The following GABRB2 variants were observed in gnomAD, a reference collection of about 807,000 sequenced individuals.
GABRB2 encodes gamma-aminobutyric acid type A receptor subunit beta2, also known as gamma-aminobutyric acid receptor subunit beta-2.
Under a neutral mutation model 54.7 loss-of-function variants are expected in GABRB2, and 16 were observed. That is an observed-to-expected ratio of 0.29 (90% CI 0.20 to 0.44). The LOEUF is 0.44. Among genes scored for constraint, GABRB2 ranks in the 20% least tolerant of loss-of-function variants. GABRB2 has a pLI of 1.00. For synonymous variants in GABRB2, 244 were observed against 233.8 expected (o/e 1.04, Z -0.40); for missense variants, 355 against 644.0 (o/e 0.55, Z 4.86).
At position 161,291,350 on chromosome 5, in the gene GABRB2, C is replaced by T. The variant is rs568277942; in HGVS notation, c.*2731G>A. Reference sequence around the variant, plus strand: ...CCTTTGTGGTCCTTTAGTTTAACAACTGGCTATCAAGCTGACTGGTCTTCC... The same window carrying T: ...CCTTTGTGGTCCTTTAGTTTAACAATTGGCTATCAAGCTGACTGGTCTTCC... On this transcript the variant is annotated 3_prime_UTR_variant, in exon 10 of 10. Coordinates refer to ENST00000393959, the MANE Select transcript of GABRB2 (RefSeq NM_001371727.1). 6.6e-6 allele frequency: 1 copy of T among 152,298 alleles called. No homozygotes were observed. The highest frequency in any genetic ancestry group is 6.5e-5 in the Admixed American group (1 of 15,278). 9.4% of individuals were successfully genotyped at this position (152,298 alleles called of 1,614,324 possible). A position where few individuals can be genotyped will look rare whatever the true frequency, so the allele number is the denominator to read the frequency against.
intron 3 of GABRB2, among the ~76,000 whole-genome samples, chr5:161,479,531 G>A (rs1272118041): frequency 6.6e-6 from 1 of 150,942 alleles, no homozygotes; most frequent in Non-Finnish European, 1.5e-5. Context: ...AAATTATAAT[G>A]AAGAAAATTT....
At chr5:161,535,651 T>C (rs1760609532) in intron 3 of GABRB2, among the ~76,000 whole-genome samples, 2 of 152,254 alleles carry the variant, frequency 1.3e-5, no homozygotes, top group African/African-American at 4.8e-5. Flanking sequence ...TTAAATAGGC[T>C]AATAGTGGCT....
chr5:161,392,084 C>A (rs1458744254), intron 5 of GABRB2, among the ~76,000 whole-genome samples: 1 of 152,192 alleles, frequency 6.6e-6, no homozygotes, highest in Non-Finnish European at 1.5e-5. Flanking sequence ...AGTACCATGA[C>A]AGCAGAGTAT....
chr5:161,496,435 A>G (rs1019988645), intron 3 of GABRB2, among the ~76,000 whole-genome samples: 4 of 152,072 alleles, frequency 2.6e-5, no homozygotes, highest in African/African-American at 9.7e-5. Context: ...ATTTAACAAC[A>G]TATATGTACC....
At chr5:161,510,573 G>C (rs191230510) in intron 3 of GABRB2, among the ~76,000 whole-genome samples, 30 of 151,954 alleles carry the variant, frequency 2.0e-4, no homozygotes, top group Admixed American at 7.2e-4. Context: ...CATAGCATTT[G>C]TGAATTTTAA....
At chr5:161,523,585 A>C (rs1290091366) in intron 3 of GABRB2, among the ~76,000 whole-genome samples, 2 of 151,398 alleles carry the variant, frequency 1.3e-5, no homozygotes. Flanking sequence ...ATTAAACCTC[A>C]TTTATGTACA....
chr5:161,470,020 C>A (rs1346949009), intron 3 of GABRB2, among the ~76,000 whole-genome samples: 1 of 151,810 alleles, frequency 6.6e-6, no homozygotes, highest in African/African-American at 2.4e-5. Flanking sequence ...TGATCTTTTG[C>A]TTGAATTAAA....
In GABRB2 at chr5:161,546,714, T is replaced by G. The variant is rs1408722342; in HGVS notation, c.-71A>C. The G allele has an allele frequency of 2.8e-5, 43 of 1,548,620 alleles. No individual in the cohort carries two copies. Among genetic ancestry groups the G allele is most frequent in the Non-Finnish European group, 3.7e-5 (42 of 1,146,072 alleles). On this transcript the variant is annotated 5_prime_UTR_variant, in exon 1 of 10. Coordinates refer to ENST00000393959, the MANE Select transcript of GABRB2 (RefSeq NM_001371727.1). ...ATCCAACTTAGTCTGCCCAGTGCAG[T>G]AATTCTAATGTGAGGCGCATGCGCA...
At chr5:161,313,699 C>G (rs576582058) in intron 9 of GABRB2, among the ~76,000 whole-genome samples, 1 of 152,176 alleles carries the variant, frequency 6.6e-6, no homozygotes, top group African/African-American at 2.4e-5. Context: ...CCAAGCACTT[C>G]CCCTGTGCTT....
intron 3 of GABRB2, among the ~76,000 whole-genome samples, chr5:161,491,102 G>A (rs1759082284): frequency 6.6e-6 from 1 of 151,550 alleles, no homozygotes; most frequent in African/African-American, 2.4e-5. Context: ...GCCCATGACA[G>A]CAAAATTGAT....
intron 8 of GABRB2, among the ~76,000 whole-genome samples, chr5:161,328,267 C>T (rs889753212): frequency 2.6e-5 from 4 of 152,142 alleles, no homozygotes; most frequent in Admixed American, 6.6e-5. Context: ...AGAACACACA[C>T]GCTAGCATCA....
At chr5:161,321,681 T>C (rs181891134) in intron 9 of GABRB2, among the ~76,000 whole-genome samples, 143 of 152,310 alleles carry the variant, frequency 9.4e-4, no homozygotes, top group Non-Finnish European at 2.0e-3. Context: ...CAGAAACTTA[T>C]AAGAACTTTT....
At chr5:161,309,954 C>A (rs1233689270) in intron 9 of GABRB2, among the ~76,000 whole-genome samples, 1 of 152,074 alleles carries the variant, frequency 6.6e-6, no homozygotes, top group East Asian at 1.9e-4. Flanking sequence ...AAAAGTGGTA[C>A]ATATATACTC....
intron 5 of GABRB2, among the ~76,000 whole-genome samples, chr5:161,390,692 T>C (rs941146343): frequency 3.3e-5 from 5 of 152,072 alleles, no homozygotes; most frequent in African/African-American, 4.8e-5. Context: ...ATTTCAAAAT[T>C]TTAAAAAATT....
chr5:161,427,327 G>T (rs1346474082), intron 4 of GABRB2, among the ~76,000 whole-genome samples: 2 of 152,138 alleles, frequency 1.3e-5, no homozygotes, highest in African/African-American at 2.4e-5. Flanking sequence ...TAACATAAAT[G>T]ACTTGGAGGA....
chr5:161,448,948 A>G (rs1454245453), intron 4 of GABRB2, among the ~76,000 whole-genome samples: 1 of 152,200 alleles, frequency 6.6e-6, no homozygotes, highest in East Asian at 1.9e-4. Context: ...TAAAACTAAT[A>G]GAGCCATATT....
intron 9 of GABRB2, among the ~76,000 whole-genome samples, chr5:161,297,236 T>C (rs1757404403): frequency 6.6e-6 from 1 of 152,138 alleles, no homozygotes; most frequent in South Asian, 2.1e-4. Flanking sequence ...TACTCCTTAG[T>C]GTCTTTCATA....
At chr5:161,339,876 C>T (rs750644754) in intron 5 of GABRB2, among the ~76,000 whole-genome samples, 3 of 151,800 alleles carry the variant, frequency 2.0e-5, no homozygotes, top group Non-Finnish European at 4.4e-5. Context: ...TGACTGACCT[C>T]AAAGAAAGCA....
intron 8 of GABRB2, chr5:161,330,676 G>A (rs754618477): frequency 1.3e-5 from 8 of 624,382 alleles, no homozygotes; most frequent in Non-Finnish European, 1.9e-5. Flanking sequence ...CACTCCTCTT[G>A]TTAATGGAAA....
Sources: allele counts gnomAD v4.1 joint callset (sites outside exome capture counted in the v4.1 genomes callset), GRCh38; gene constraint gnomAD v4.1.1; transcripts MANE v1.5; gene names NCBI Gene and HGNC (gene_info 2026-07-23, HGNC 2026-07-21).